The following SPECC1 variants were observed in gnomAD, a reference collection of about 807,000 sequenced individuals.
SPECC1 encodes sperm antigen with calponin homology and coiled-coil domains 1, also known as cytospin-B.
A neutral mutation model predicts 104.1 loss-of-function variants in SPECC1; 62 were observed. The observed-to-expected ratio is 0.60, with a 90% confidence interval of 0.49 to 0.74. The LOEUF is 0.74. Among genes scored for constraint, SPECC1 ranks in the 30% least tolerant of loss-of-function variants. SPECC1 has a pLI of 0.00. For missense variants in SPECC1, 1,306 were observed against 1,310.5 expected (o/e 1.00, Z 0.05); for synonymous variants, 513 against 501.6 (o/e 1.02, Z -0.30).
rs553863619 is a variant in SPECC1, at chr17:20,132,914, T to C, written c.283+22352T>C. 3.9e-5 allele frequency among the ~76,000 whole-genome samples: 6 copies of C among 152,122 alleles called. No individual in the cohort carries two copies. The South Asian group carries it at 1.2e-3, about 32-fold the overall frequency. ...GCCACCATGCCCAGCTAATTTTTTA[T>C]ATTTTTAGTAGAGATGGGGTTTCAC... is the stretch of plus-strand genomic sequence containing the variant. On this transcript the variant is annotated intron_variant, in intron 3 of 14. Transcript: ENST00000395527.
At chr17:20,057,097 C>T (rs2045993117) in intron 1 of SPECC1, among the ~76,000 whole-genome samples, 2 of 152,058 alleles carry the variant, frequency 1.3e-5, no homozygotes, top group South Asian at 4.1e-4. Context: ...TACTGAAGGC[C>T]ACTTTCAGCA....
chr17:20,092,942 G>A (rs554395934), intron 1 of SPECC1, among the ~76,000 whole-genome samples: 1 of 152,264 alleles, frequency 6.6e-6, no homozygotes, highest in East Asian at 1.9e-4. Context: ...GAGGCCATCC[G>A]TCCCTGGTGT....
chr17:20,150,011 C>T (rs970234282), intron 3 of SPECC1, among the ~76,000 whole-genome samples: 1 of 151,940 alleles, frequency 6.6e-6, no homozygotes, highest in African/African-American at 2.4e-5. Flanking sequence ...CTCACTCTGT[C>T]TCCCAGGCTG....
chr17:20,238,065 C>T (rs2151506642), intron 7 of SPECC1: 1 of 1,024,122 alleles, frequency 9.8e-7, no homozygotes, highest in African/African-American at 1.7e-5. Context: ...CTTGATTGAG[C>T]CCCTTCACTT....
At chr17:20,225,212 G>T (rs915211485) in intron 4 of SPECC1, among the ~76,000 whole-genome samples, 1 of 152,218 alleles carries the variant, frequency 6.6e-6, no homozygotes, top group Non-Finnish European at 1.5e-5. Context: ...AGAGCTGTGA[G>T]CTGTGCTGCC....
chr17:20,041,880 C>G (rs2045346067), intron 1 of SPECC1, among the ~76,000 whole-genome samples: 1 of 152,100 alleles, frequency 6.6e-6, no homozygotes, highest in Non-Finnish European at 1.5e-5. Context: ...CTGCCTCGGC[C>G]TCCCAAAGTG....
In SPECC1 at chr17:20,194,501, A is replaced by AT. The variant is rs1567923485; in HGVS notation, c.284-9832_284-9831insT. ...TTGTGTTCTGTTAGAAAAGAGAACG[A>AT]ATTTTTTTTTTTTTTTTTTTTTTTG... On this transcript the variant is annotated intron_variant, in intron 3 of 14. Transcript: ENST00000395527. 1.2e-4 allele frequency among the ~76,000 whole-genome samples: 8 copies of AT among 68,136 alleles called. No homozygotes were observed. In the East Asian group the frequency reaches 1.0e-2, roughly 85 times the overall value. The allele number at this position is 68,136 out of a possible 152,430, so 44.7% of individuals were successfully genotyped here.
chr17:20,018,172 T>TA (rs1204425071), intron 1 of SPECC1: 2 of 152,220 alleles, frequency 1.3e-5, no homozygotes, highest in Non-Finnish European at 2.9e-5. Context: ...GGAAACCTGT[T>TA]ACCATTTCCT....
intron 3 of SPECC1, among the ~76,000 whole-genome samples, chr17:20,157,632 A>G (rs1332000371): frequency 2.6e-5 from 4 of 152,142 alleles, no homozygotes; most frequent in Non-Finnish European, 5.9e-5. Flanking sequence ...TTGTGAAAAG[A>G]GTTACTCTTG....
intron 3 of SPECC1, chr17:20,112,670 A>AATGTAGAAGGAGC (rs2048551466): frequency 3.0e-6 from 3 of 995,204 alleles, no homozygotes; most frequent in Non-Finnish European, 4.9e-6. Context: ...ACTCTGTTCT[A>AATGTAGAAGGAGC]ATGTAGAAGG....
chr17:20,039,079 C>T (rs2045216583), intron 1 of SPECC1, among the ~76,000 whole-genome samples: 1 of 152,228 alleles, frequency 6.6e-6, no homozygotes, highest in Non-Finnish European at 1.5e-5. Flanking sequence ...AGAAATCCTA[C>T]ACTCTTTAAC....
intron 14 of SPECC1, among the ~76,000 whole-genome samples, chr17:20,309,368 T>C (rs2041863292): frequency 6.6e-6 from 1 of 152,208 alleles, no homozygotes; most frequent in Non-Finnish European, 1.5e-5. Flanking sequence ...GTTTCTGGGG[T>C]ATAACATATT....
chr17:20,242,441 G>T (rs2039243916), intron 7 of SPECC1, among the ~76,000 whole-genome samples: 1 of 152,240 alleles, frequency 6.6e-6, no homozygotes, highest in South Asian at 2.1e-4. Flanking sequence ...TGCTTATGGA[G>T]TGTGCATCAC....
chr17:20,061,997 C>T (rs550324350), intron 1 of SPECC1, among the ~76,000 whole-genome samples: 25 of 152,128 alleles, frequency 1.6e-4, no homozygotes, highest in Middle Eastern at 3.4e-3. Flanking sequence ...CGGTGGCTCA[C>T]GTCTGTAATC....
At chr17:20,133,434 A>T (rs1751638505) in intron 3 of SPECC1, among the ~76,000 whole-genome samples, 1 of 152,156 alleles carries the variant, frequency 6.6e-6, no homozygotes, top group African/African-American at 2.4e-5. Context: ...CCTACTTAGG[A>T]ATCATGGCAG....
chr17:20,040,941 C>G (rs1268661800), intron 1 of SPECC1, among the ~76,000 whole-genome samples: 7 of 152,076 alleles, frequency 4.6e-5, no homozygotes, highest in African/African-American at 1.4e-4. Flanking sequence ...ACCCTGATGA[C>G]AAGTGTTAGA....
chr17:20,070,319 T>C (rs1370339734), intron 1 of SPECC1, among the ~76,000 whole-genome samples: 1 of 152,204 alleles, frequency 6.6e-6, no homozygotes, highest in African/African-American at 2.4e-5. Flanking sequence ...GTTTATATTA[T>C]GAAAATCTGT....
At chr17:20,280,254 C>A (rs2040720514) in intron 12 of SPECC1, among the ~76,000 whole-genome samples, 1 of 152,162 alleles carries the variant, frequency 6.6e-6, no homozygotes, top group Non-Finnish European at 1.5e-5. Flanking sequence ...AAAATATTTA[C>A]CACGTGACCG....
At chr17:20,150,006 T>A (rs2031838541) in intron 3 of SPECC1, among the ~76,000 whole-genome samples, 1 of 152,098 alleles carries the variant, frequency 6.6e-6, no homozygotes, top group Non-Finnish European at 1.5e-5. Context: ...GGAGTCTCAC[T>A]CTGTCTCCCA....
Sources: allele counts gnomAD v4.1 joint callset (sites outside exome capture counted in the v4.1 genomes callset), GRCh38; gene constraint gnomAD v4.1.1; transcripts MANE v1.5; gene names NCBI Gene and HGNC (gene_info 2026-07-23, HGNC 2026-07-21).